The following RIMBP2 variants were observed in gnomAD, a reference collection of about 807,000 sequenced individuals.
RIMBP2 encodes RIMS-binding protein 2.
RIMBP2 carries 48 observed loss-of-function variants against 118.6 expected under a neutral mutation model. The observed-to-expected ratio is 0.40, with a 90% CI of 0.32 to 0.51. The LOEUF (loss-of-function observed/expected upper bound fraction) is 0.51, where lower values mean the gene tolerates loss of function less well. Ranked by LOEUF, RIMBP2 falls within the 20% of genes least tolerant of loss-of-function variation. RIMBP2 has a pLI of 0.41. For synonymous variants in RIMBP2, 762 were observed against 742.9 expected (o/e 1.03, Z -0.42); for missense variants, 1,551 against 1,768.3 (o/e 0.88, Z 2.20).
intron 6 of RIMBP2, chr12:130,470,245 C>A (rs1384432464): frequency 6.4e-6 from 1 of 155,206 alleles, no homozygotes; most frequent in African/African-American, 2.4e-5. Context: ...AAATGCCTCC[C>A]CAGGATGGGT....
At chr12:130,679,752 A>G (rs1424680842) in intron 1 of RIMBP2, among the ~76,000 whole-genome samples, 2 of 152,278 alleles carry the variant, frequency 1.3e-5, no homozygotes, top group African/African-American at 4.8e-5. Context: ...TGGCTTTTAA[A>G]TATGAGAAAG....
rs2065972851 is a variant in RIMBP2 at position 130,703,819 on chromosome 12, G to GAC, written c.-352+12402_-352+12403insGT. On this transcript the variant is annotated intron_variant, in intron 1 of 22. Transcript: ENST00000690449. This position sits in a 1 kb window ranked among gnomAD's most constrained non-coding sequence, Gnocchi z 5.7. ...ACAATTGAACAGCTTAGGAAATACAGAGAGAGAGAGAGAGATCGATCTAGA... is the reference window on the plus strand; with the variant it reads ...ACAATTGAACAGCTTAGGAAATACAGACAGAGAGAGAGAGAGATCGATCTAGA... Among the ~76,000 whole-genome samples the GAC allele has an allele frequency of 7.1e-6, 1 of 141,546 alleles. No individual in the cohort carries two copies. Among genetic ancestry groups the GAC allele is most frequent in the Admixed American group, 6.8e-5 (1 of 14,670 alleles). The allele number at this position is 141,546 out of a possible 152,430, so 92.9% of individuals were successfully genotyped here.
At chr12:130,438,335 A>ACGGGGGGGGGGGGGGGCCCCCCCCC in intron 12 of RIMBP2, 30 bp downstream of exon 12, 1 of 865,014 alleles carries the variant, frequency 1.2e-6, no homozygotes, top group Non-Finnish European at 1.9e-6. Context: ...GGCCTAACAA[A>ACGGGGGGGGGGGGGGGCCCCCCCCC]CCCTCCCCAC....
chr12:130,425,177 A>C, intron 15 of RIMBP2: 1 of 248,954 alleles, frequency 4.0e-6, no homozygotes, highest in Non-Finnish European at 7.6e-6. Context: ...CACAGTGCCC[A>C]CGGTACCGCT....
At chr12:130,582,377 A>C (rs1383558066) in intron 2 of RIMBP2, among the ~76,000 whole-genome samples, 1 of 152,224 alleles carries the variant, frequency 6.6e-6, no homozygotes, top group Non-Finnish European at 1.5e-5. Context: ...AGCTCAGAGA[A>C]GTCAGACTGT....
intron 7 of RIMBP2, among the ~76,000 whole-genome samples, chr12:130,452,704 A>G (rs1378013706): frequency 6.6e-6 from 1 of 152,186 alleles, no homozygotes; most frequent in Non-Finnish European, 1.5e-5. Context: ...TGGCCAGGGA[A>G]CTTTCCAGAG....
In RIMBP2 at chr12:130,450,921, C is replaced by A. The variant is rs151250233; in HGVS notation, c.504+274G>T. Among the ~76,000 whole-genome samples, 1 of 152,346 alleles carries A rather than the reference C, an allele frequency of 6.6e-6. No homozygotes were observed. The highest frequency in any genetic ancestry group is 1.5e-5 in the Non-Finnish European group (1 of 68,038). Reference sequence around the variant, plus strand: ...CAACAGCCTTGCTGCGTCATCCTTGCACCCCTCGATGGGATTTGCTTTTCT... The same window carrying A: ...CAACAGCCTTGCTGCGTCATCCTTGAACCCCTCGATGGGATTTGCTTTTCT... On this transcript the variant is annotated intron_variant, in intron 8 of 22. Coordinates refer to ENST00000690449, the MANE Select transcript of RIMBP2 (RefSeq NM_001393629.1). This position sits in a 1 kb window ranked among gnomAD's most constrained non-coding sequence, Gnocchi z 4.8.
intron 2 of RIMBP2, among the ~76,000 whole-genome samples, chr12:130,601,062 T>C (rs1383695830): frequency 2.0e-5 from 3 of 152,130 alleles, no homozygotes; most frequent in African/African-American, 7.2e-5. Context: ...TCTCTGCAAG[T>C]CCACGCTCAA....
intron 7 of RIMBP2, among the ~76,000 whole-genome samples, chr12:130,455,019 G>T (rs11060898): frequency 0.089 from 13,562 of 152,314 alleles, 761 homozygotes; most frequent in South Asian, 0.16. Flanking sequence ...CCTTCCAGGA[G>T]TCTGGAGCTT....
chr12:130,680,746 A>G (rs1309000452), intron 1 of RIMBP2, among the ~76,000 whole-genome samples: 1 of 152,170 alleles, frequency 6.6e-6, no homozygotes, highest in East Asian at 1.9e-4. Flanking sequence ...AACGTCCTAC[A>G]GTGCATGGAA....
chr12:130,618,188 A>C (rs2140770185), intron 2 of RIMBP2, among the ~76,000 whole-genome samples: 1 of 152,138 alleles, frequency 6.6e-6, no homozygotes, highest in African/African-American at 2.4e-5. Flanking sequence ...GCCTAATATT[A>C]ATGTATTATC....
chr12:130,655,824 T>C (rs1011903811), intron 1 of RIMBP2, among the ~76,000 whole-genome samples: 3 of 152,210 alleles, frequency 2.0e-5, no homozygotes, highest in Admixed American at 6.5e-5. Flanking sequence ...GGGAGGGACG[T>C]TGGCTTCAGA....
intron 2 of RIMBP2, among the ~76,000 whole-genome samples, chr12:130,543,233 T>C (rs1386667386): frequency 6.6e-6 from 1 of 152,242 alleles, no homozygotes; most frequent in East Asian, 1.9e-4. Context: ...CTTTAAACTA[T>C]TGATTTTATA....
At chr12:130,432,396 T>C in intron 14 of RIMBP2, 1 of 439,818 alleles carries the variant, frequency 2.3e-6, no homozygotes, top group South Asian at 1.6e-5. Context: ...TGTCATGTAA[T>C]ACACAGAAAG....
intron 19 of RIMBP2, 30 bp from the exon 20 acceptor site, chr12:130,407,859 C>T: frequency 6.3e-7 from 1 of 1,585,236 alleles, no homozygotes; most frequent in African/African-American, 1.3e-5. Context: ...GAAAGAAATC[C>T]ATCATGAGGT....
At chr12:130,503,715 C>A (rs1016605772) in intron 4 of RIMBP2, among the ~76,000 whole-genome samples, 1 of 152,202 alleles carries the variant, frequency 6.6e-6, no homozygotes, top group African/African-American at 2.4e-5. Flanking sequence ...GAGCTCCCTT[C>A]CCCGAAGGAG....
intron 2 of RIMBP2, among the ~76,000 whole-genome samples, chr12:130,577,926 C>T (rs1015995049): frequency 2.0e-5 from 3 of 152,068 alleles, no homozygotes; most frequent in East Asian, 1.9e-4. Context: ...AACTATATGC[C>T]GATTAGCTTG....
intron 7 of RIMBP2, among the ~76,000 whole-genome samples, chr12:130,454,946 CCT>C (rs2079297547): frequency 6.6e-6 from 1 of 152,224 alleles, no homozygotes; most frequent in African/African-American, 2.4e-5. Flanking sequence ...GGAAACATCC[CCT>C]GACTGATAAA....
chr12:130,595,667 C>G (rs1327535831), intron 2 of RIMBP2, among the ~76,000 whole-genome samples: 1 of 69,010 alleles, frequency 1.4e-5, no homozygotes, highest in Non-Finnish European at 3.3e-5. Context: ...CGGCAAAGAG[C>G]CTGTGTGAGA....
Sources: allele counts gnomAD v4.1 joint callset (sites outside exome capture counted in the v4.1 genomes callset), GRCh38; gene constraint gnomAD v4.1.1; non-coding constraint Gnocchi (gnomAD v3.1); transcripts MANE v1.5; gene names NCBI Gene and HGNC (gene_info 2026-07-23, HGNC 2026-07-21).